The following LAMA2 variants were observed in gnomAD, a reference collection of about 807,000 sequenced individuals.
LAMA2 encodes laminin subunit alpha-2.
In LAMA2, 269 loss-of-function variants were observed where a neutral mutation model predicts 364.8. The observed-to-expected ratio is 0.74, with a 90% CI of 0.67 to 0.82. The LOEUF (loss-of-function observed/expected upper bound fraction) is 0.82. LAMA2 is among the 40% of genes least tolerant of loss of function. The pLI is 0.00. For synonymous variants in LAMA2, 1,379 were observed against 1,370.6 expected (o/e 1.01, Z -0.14); for missense variants, 3,807 against 3,873.2 (o/e 0.98, Z 0.45).
At chr6:128,980,066 TCA>T in intron 1 of LAMA2, among the ~76,000 whole-genome samples, 1 of 152,174 alleles carries the variant, frequency 6.6e-6, no homozygotes, top group East Asian at 1.9e-4. Flanking sequence ...TACAGGTTCA[TCA>T]TAGTCAGCAG....
intron 1 of LAMA2, among the ~76,000 whole-genome samples, chr6:129,046,549 C>G (rs1258344162): frequency 4.6e-5 from 7 of 152,186 alleles, no homozygotes; most frequent in African/African-American, 1.7e-4. Flanking sequence ...CAACGTGTCC[C>G]TCCCACAACA....
In LAMA2 at chr6:129,192,776, A is replaced by T; in HGVS notation, c.1705A>T (p.Ile569Phe). ...DDLDSPQQIS[I>F]SNAEARQALP... is the part of the protein sequence containing the mutation. ...CTTGGACTCACCTCAGCAGATCAGC[A>T]TCAGTAACGCGGAGGCCCGGCAAGC... Residue 569 changes from isoleucine to phenylalanine, a missense_variant, in exon 12 of 65, where the codon ATC (isoleucine) becomes TTC (phenylalanine). Coordinates refer to ENST00000421865, the MANE Select transcript of LAMA2 (RefSeq NM_000426.4). The T allele has an allele frequency of 6.2e-7, 1 of 1,614,186 alleles. No homozygotes were observed. Among genetic ancestry groups the T allele is most frequent in the Non-Finnish European group, 8.5e-7 (1 of 1,180,032 alleles).
chr6:128,893,875 T>C (rs1461591520), intron 1 of LAMA2, among the ~76,000 whole-genome samples: 1 of 152,220 alleles, frequency 6.6e-6, no homozygotes, highest in African/African-American at 2.4e-5. Context: ...AATAAAACTC[T>C]TCAATGTCTG....
At chr6:129,206,080 AGGAG>A in intron 12 of LAMA2, among the ~76,000 whole-genome samples, 1 of 116,634 alleles carries the variant, frequency 8.6e-6, no homozygotes. Context: ...AGGAAAGGAA[AGGAG>A]GAAGGAAGGG....
chr6:129,413,334 A>G (rs887269190), intron 40 of LAMA2, among the ~76,000 whole-genome samples: 2 of 152,166 alleles, frequency 1.3e-5, no homozygotes, highest in Non-Finnish European at 2.9e-5. Context: ...ACATTTTCAT[A>G]TATATAATAG....
intron 12 of LAMA2, among the ~76,000 whole-genome samples, chr6:129,243,362 A>T (rs1785514795): frequency 6.6e-6 from 1 of 151,918 alleles, no homozygotes; most frequent in Non-Finnish European, 1.5e-5. Flanking sequence ...TTTCACAGTT[A>T]CTCTTTTTCC....
intron 1 of LAMA2, among the ~76,000 whole-genome samples, chr6:128,935,918 A>G (rs1287815853): frequency 6.6e-6 from 1 of 152,162 alleles, no homozygotes; most frequent in Non-Finnish European, 1.5e-5. Flanking sequence ...CATCATCCCC[A>G]TAATCCCCAA....
chr6:129,450,846 C>T (rs1164345442), intron 45 of LAMA2, among the ~76,000 whole-genome samples: 2 of 152,172 alleles, frequency 1.3e-5, no homozygotes, highest in Non-Finnish European at 2.9e-5. Context: ...ATCTTGATTT[C>T]TTGTTCACTT....
intron 36 of LAMA2, among the ~76,000 whole-genome samples, chr6:129,391,879 C>A (rs1160646847): frequency 6.6e-6 from 1 of 151,968 alleles, no homozygotes; most frequent in East Asian, 1.9e-4. Context: ...TACCATTGTT[C>A]CAAAATGAAT....
intron 1 of LAMA2, among the ~76,000 whole-genome samples, chr6:128,942,061 T>C (rs1780195235): frequency 6.6e-6 from 1 of 152,210 alleles, no homozygotes; most frequent in Non-Finnish European, 1.5e-5. Flanking sequence ...TTCCAAGATA[T>C]ATGAGTAAAA....
chr6:129,408,274 A>C (rs1457120153), intron 40 of LAMA2, among the ~76,000 whole-genome samples: 1 of 152,200 alleles, frequency 6.6e-6, no homozygotes, highest in African/African-American at 2.4e-5. Context: ...ACTTTGCCCC[A>C]GTCCGGCAAA....
At chr6:129,365,386 G>A (rs1777706741) in intron 32 of LAMA2, among the ~76,000 whole-genome samples, 1 of 152,048 alleles carries the variant, frequency 6.6e-6, no homozygotes, top group Admixed American at 6.5e-5. Context: ...TTTGGGGGGT[G>A]GAGTCTCAGT....
At chr6:129,183,123 AT>A (rs1259343661) in intron 10 of LAMA2, among the ~76,000 whole-genome samples, 1 of 151,990 alleles carries the variant, frequency 6.6e-6, no homozygotes, top group African/African-American at 2.4e-5. Context: ...ATATTTTTGC[AT>A]TGTTAAAAAT....
chr6:128,969,652 A>T (rs1418558812), intron 1 of LAMA2, among the ~76,000 whole-genome samples: 2 of 152,094 alleles, frequency 1.3e-5, no homozygotes, highest in African/African-American at 4.8e-5. Context: ...GCTGTTCTCA[A>T]ACTCCTGAGC....
rs187557683 is a variant in LAMA2 at position 129,513,808 on chromosome 6, T to G, written c.8989-565T>G. Among the ~76,000 whole-genome samples, 796 of 152,302 alleles carry G rather than the reference T, an allele frequency of 5.2e-3. 3 individuals carry two copies. The highest frequency in any genetic ancestry group is 7.7e-3 in the Non-Finnish European group (527 of 68,020). ...AATTTAACTGGCCTTCTGGCTCAGGTCTTTGGCACCTGTGACATGAAACGG... is the reference window on the plus strand; with the variant it reads ...AATTTAACTGGCCTTCTGGCTCAGGGCTTTGGCACCTGTGACATGAAACGG... On this transcript the variant is annotated intron_variant, in intron 63 of 64. Transcript: ENST00000421865.
chr6:129,264,092 G>A (rs1234557397), intron 15 of LAMA2, among the ~76,000 whole-genome samples: 1 of 152,132 alleles, frequency 6.6e-6, no homozygotes, highest in Non-Finnish European at 1.5e-5. Flanking sequence ...TAGGAAGAAT[G>A]TGTCTTAGGA....
At chr6:129,283,987 C>T (rs1788917976) in intron 18 of LAMA2, among the ~76,000 whole-genome samples, 1 of 152,092 alleles carries the variant, frequency 6.6e-6, no homozygotes. Flanking sequence ...CAAAGGCACT[C>T]AGGGAAGGGG....
chr6:129,092,314 A>G (rs1774894126), intron 3 of LAMA2, among the ~76,000 whole-genome samples: 1 of 152,186 alleles, frequency 6.6e-6, no homozygotes, highest in Non-Finnish European at 1.5e-5. Context: ...ACTCAAACAG[A>G]GAGACATTAC....
At chr6:128,993,453 A>T (rs965399489) in intron 1 of LAMA2, among the ~76,000 whole-genome samples, 1 of 152,142 alleles carries the variant, frequency 6.6e-6, no homozygotes, top group African/African-American at 2.4e-5. Context: ...TTATATTGAG[A>T]GTGTATTACA....
Sources: allele counts gnomAD v4.1 joint callset (sites outside exome capture counted in the v4.1 genomes callset), GRCh38; gene constraint gnomAD v4.1.1; transcripts MANE v1.5; gene names NCBI Gene and HGNC (gene_info 2026-07-23, HGNC 2026-07-21).